Variants in RBFOX1 observed in about 807,000 individuals in gnomAD.
RBFOX1 encodes the protein RNA binding protein fox-1 homolog 1.
In RBFOX1, 8 loss-of-function variants were observed where a neutral mutation model predicts 57.7. That is an observed-to-expected ratio of 0.14 (90% confidence interval 0.08 to 0.25). RBFOX1 has a LOEUF of 0.25. Ranked by LOEUF, RBFOX1 falls within the 10% of genes least tolerant of loss-of-function variation. RBFOX1 has a pLI of 1.00. For missense variants in RBFOX1, 611 were observed against 548.5 expected, an observed-to-expected ratio of 1.11 and a Z score of -1.14; for synonymous variants, 326 against 222.4, an observed-to-expected ratio of 1.47 and a Z score of -4.15.
At chr16:7,442,583 A>G (rs953782647) in intron 4 of RBFOX1, among the ~76,000 whole-genome samples, 1 of 152,144 alleles carries the variant, frequency 6.6e-6, no homozygotes, top group African/African-American at 2.4e-5. Context: ...TTGTCCCTGC[A>G]ACTAGCTTCA....
chr16:6,839,335 TA>T (rs1441588804), intron 3 of RBFOX1, among the ~76,000 whole-genome samples: 11 of 152,182 alleles, frequency 7.2e-5, no homozygotes, highest in African/African-American at 2.7e-4. Flanking sequence ...CTCCTCACTC[TA>T]CTATTAACCC....
At position 6,930,847 on chromosome 16, in the gene RBFOX1, A is replaced by T. The variant is rs188234347; in HGVS notation, c.-15-121210A>T. On this transcript the variant is annotated intron_variant, in intron 3 of 15. Transcript: ENST00000550418. ...GTCATCTTGTAAGAGAATGTTCTGGATCAATCTTAACTGTAATAGCATGTT... is the reference window on the plus strand; with the variant it reads ...GTCATCTTGTAAGAGAATGTTCTGGTTCAATCTTAACTGTAATAGCATGTT... 2.8e-3 allele frequency among the ~76,000 whole-genome samples: 429 copies of T among 152,140 alleles called. 7 individuals carry two copies. Among genetic ancestry groups the T allele is most frequent in the Admixed American group, 0.023 (357 of 15,286 alleles).
intron 4 of RBFOX1, among the ~76,000 whole-genome samples, chr16:7,405,007 A>G (rs985413785): frequency 2.6e-5 from 4 of 152,156 alleles, no homozygotes; most frequent in African/African-American, 9.7e-5. Context: ...TGCCTGCTAC[A>G]CCACAAAGGG....
intron 2 of RBFOX1, among the ~76,000 whole-genome samples, chr16:6,317,441 A>C (rs1355998977): frequency 6.6e-6 from 1 of 152,096 alleles, no homozygotes; most frequent in Non-Finnish European, 1.5e-5. Flanking sequence ...ATGCCAGCAA[A>C]CACAGATCAG....
chr16:5,685,226 G>C (rs1387446877), intron 3 of RBFOX1, among the ~76,000 whole-genome samples: 5 of 152,132 alleles, frequency 3.3e-5, no homozygotes, highest in Non-Finnish European at 7.4e-5. Context: ...GATATTATTG[G>C]CTTTTTTGAT....
At chr16:7,483,154 G>C (rs1235160514) in intron 4 of RBFOX1, among the ~76,000 whole-genome samples, 2 of 152,158 alleles carry the variant, frequency 1.3e-5, no homozygotes, top group African/African-American at 4.8e-5. Flanking sequence ...CTGGAATTGG[G>C]ATCGCAGAGC....
At chr16:6,854,587 A>ATTTTTTTTTTTTTTTTTTTTTT (rs71147611) in intron 3 of RBFOX1, among the ~76,000 whole-genome samples, 2 of 70,640 alleles carry the variant, frequency 2.8e-5, no homozygotes, top group Non-Finnish European at 5.1e-5. Flanking sequence ...GGAGAGGTGA[A>ATTTTTTTTTTTTTTTTTTTTTT]TTTTTTTTTT....
intron 3 of RBFOX1, among the ~76,000 whole-genome samples, chr16:6,926,495 C>G (rs1457402078): frequency 6.6e-6 from 1 of 152,056 alleles, no homozygotes; most frequent in African/African-American, 2.4e-5. Context: ...AAGTTAATGA[C>G]ATTTGTAGCG....
At chr16:7,232,671 GTC>G (rs1272943501) in intron 4 of RBFOX1, among the ~76,000 whole-genome samples, 1 of 151,982 alleles carries the variant, frequency 6.6e-6, no homozygotes, top group Non-Finnish European at 1.5e-5. Context: ...GAGAAACCCT[GTC>G]TCTACTAAAA....
At chr16:5,448,982 C>T (rs1171398184) in intron 1 of RBFOX1, among the ~76,000 whole-genome samples, 3 of 152,092 alleles carry the variant, frequency 2.0e-5, no homozygotes, top group Admixed American at 2.0e-4. Flanking sequence ...GTCCTCCTTC[C>T]CACCACAGGG....
At chr16:6,901,995 C>T (rs539901709) in intron 3 of RBFOX1, among the ~76,000 whole-genome samples, 1 of 152,022 alleles carries the variant, frequency 6.6e-6, no homozygotes, top group African/African-American at 2.4e-5. Flanking sequence ...TTTATCAGAA[C>T]TTTGCCTGAA....
chr16:7,161,614 C>G (rs530388775), intron 4 of RBFOX1, among the ~76,000 whole-genome samples: 1 of 152,216 alleles, frequency 6.6e-6, no homozygotes, highest in South Asian at 2.1e-4. Flanking sequence ...TGAATCTCGG[C>G]TAAGTAATCC....
At chr16:6,895,211 A>G (rs1045222874) in intron 3 of RBFOX1, among the ~76,000 whole-genome samples, 5 of 152,088 alleles carry the variant, frequency 3.3e-5, no homozygotes, top group African/African-American at 1.2e-4. Context: ...ATTAAAGAAC[A>G]AGTCCAAACC....
intron 3 of RBFOX1, among the ~76,000 whole-genome samples, chr16:6,766,819 C>T (rs185709507): frequency 3.6e-4 from 54 of 151,972 alleles, no homozygotes; most frequent in Middle Eastern, 3.4e-3. Context: ...AAGTTTCAGG[C>T]GAGACCTAAA....
rs549240160 is a variant in RBFOX1 at position 6,058,857 on chromosome 16, CATCCATCCATCCATCCATCCATCCAGCT to C, written c.-127+38869_-127+38896del. On this transcript the variant is annotated intron_variant, in intron 1 of 15. Transcript: ENST00000550418. Reference sequence around the variant, plus strand: ...TTATCCATCCATCCATCCATCCATCCATCCATCCATCCATCCATCCATCCAGCTATCATGTATACAGTAATTAAAACAG... The same window carrying C: ...TTATCCATCCATCCATCCATCCATCCATCATGTATACAGTAATTAAAACAG... Among the ~76,000 whole-genome samples, 648 of 152,164 alleles carry C rather than the reference CATCCATCCATCCATCCATCCATCCAGCT, an allele frequency of 4.3e-3. 3 individuals are homozygous for C. Among genetic ancestry groups the C allele is most frequent in the African/African-American group, 0.015 (605 of 41,502 alleles).
At chr16:6,638,598 G>A (rs908831568) in intron 2 of RBFOX1, among the ~76,000 whole-genome samples, 1 of 152,156 alleles carries the variant, frequency 6.6e-6, no homozygotes, top group African/African-American at 2.4e-5. Context: ...TTTGATGAAT[G>A]AAGGTGTGTA....
chr16:5,871,723 T>C (rs902988661), intron 4 of RBFOX1, among the ~76,000 whole-genome samples: 11 of 152,156 alleles, frequency 7.2e-5, no homozygotes, highest in African/African-American at 2.7e-4. Context: ...AAGAGGATGT[T>C]TGAGGAAAAA....
At chr16:5,458,203 G>C (rs776663099) in intron 1 of RBFOX1, among the ~76,000 whole-genome samples, 3 of 152,106 alleles carry the variant, frequency 2.0e-5, no homozygotes, top group African/African-American at 7.2e-5. Flanking sequence ...TTAAGTGCTG[G>C]ATACTCTTTG....
chr16:5,729,722 T>C (rs1443764010), intron 3 of RBFOX1, among the ~76,000 whole-genome samples: 2 of 152,198 alleles, frequency 1.3e-5, no homozygotes, highest in Non-Finnish European at 2.9e-5. Context: ...TTTATTCTTC[T>C]ACTCTTATCG....
Sources: gnomAD v4.1 joint callset for allele counts (sites outside exome capture counted in the v4.1 genomes callset) on GRCh38, gnomAD v4.1.1 for gene constraint, MANE v1.5 for transcripts, NCBI Gene and HGNC (gene_info 2026-07-23, HGNC 2026-07-21) for gene names.